Variants in STAU2 observed in about 807,000 individuals in gnomAD.
STAU2 encodes the protein staufen double-stranded RNA binding protein 2.
A neutral mutation model predicts 65.9 loss-of-function variants in STAU2; 20 were observed. The observed-to-expected ratio is 0.30, with a 90% CI of 0.21 to 0.44. The LOEUF (loss-of-function observed/expected upper bound fraction) is 0.44, where lower values mean the gene tolerates loss of function less well. Ranked by LOEUF, STAU2 falls within the 20% of genes least tolerant of loss-of-function variation. STAU2 has a pLI of 1.00. For synonymous variants in STAU2, 232 were observed against 233.9 expected, an observed-to-expected ratio of 0.99 and a Z score of 0.07; for missense variants, 558 against 683.9, an observed-to-expected ratio of 0.82 and a Z score of 2.05.
intron 13 of STAU2, among the ~76,000 whole-genome samples, chr8:73,472,748 C>T (rs1820101928): frequency 1.3e-5 from 2 of 151,340 alleles, no homozygotes. Context: ...AAACAAAAAA[C>T]ATACACTGCT....
chr8:73,691,385 T>C (rs1184893578), intron 4 of STAU2, among the ~76,000 whole-genome samples: 1 of 152,206 alleles, frequency 6.6e-6, no homozygotes, highest in Admixed American at 6.5e-5. Flanking sequence ...CTCCTTGGTC[T>C]AAGGTTTCTA....
At chr8:73,738,715 A>G (rs894216355) in intron 2 of STAU2, among the ~76,000 whole-genome samples, 4 of 152,210 alleles carry the variant, frequency 2.6e-5, no homozygotes, top group Non-Finnish European at 5.9e-5. Flanking sequence ...GAAGCTGTTA[A>G]AAATAAATCT....
chr8:73,582,926 C>A, intron 11 of STAU2, 96 bp from the exon 12 acceptor site: 2 of 1,085,136 alleles, frequency 1.8e-6, no homozygotes, highest in South Asian at 2.8e-5. Flanking sequence ...AAAGTCCTCT[C>A]ACATGGTTAT....
Position 73,637,477 on chromosome 8 carries a change from T to TAAAAAA in STAU2, c.411-20032_411-20027dup, listed in dbSNP as rs60833468. Among the ~76,000 whole-genome samples the TAAAAAA allele has an allele frequency of 8.2e-3, 467 of 57,140 alleles. 5 individuals are homozygous for TAAAAAA. Among genetic ancestry groups the TAAAAAA allele is most frequent in the Non-Finnish European group, 9.4e-3 (318 of 33,750 alleles). The allele number at this position is 57,140 out of a possible 152,430, so 37.5% of individuals were successfully genotyped here. On this transcript the variant is annotated intron_variant, in intron 6 of 14. Coordinates refer to ENST00000524300, the MANE Select transcript of STAU2 (RefSeq NM_001164380.2). ...TAAAGTCTTTATAAAGTGCTGAAAG[T>TAAAAAA]AAAAAAAAAAAAAAAAAAAAAAAAA...
At chr8:73,490,508 A>G (rs1821105506) in intron 13 of STAU2, among the ~76,000 whole-genome samples, 1 of 152,056 alleles carries the variant, frequency 6.6e-6, no homozygotes, top group Non-Finnish European at 1.5e-5. Context: ...AATAAACATT[A>G]AAAGGGACTT....
intron 6 of STAU2, among the ~76,000 whole-genome samples, chr8:73,654,637 C>CAAAAAAAAAAAAAAAAAAAAAA (rs71269928): frequency 7.2e-4 from 19 of 26,306 alleles, no homozygotes; most frequent in South Asian, 3.4e-3. Flanking sequence ...AAGATTGTCT[C>CAAAAAAAAAAAAAAAAAAAAAA]AAAAAAAAAA....
At chr8:73,533,789 T>A (rs566742467) in intron 13 of STAU2, among the ~76,000 whole-genome samples, 2 of 152,278 alleles carry the variant, frequency 1.3e-5, no homozygotes, top group Admixed American at 6.5e-5. Flanking sequence ...GGTGTGTGAA[T>A]TTTTTTCATG....
At chr8:73,695,879 G>T (rs1156846620) in intron 4 of STAU2, among the ~76,000 whole-genome samples, 1 of 152,160 alleles carries the variant, frequency 6.6e-6, no homozygotes, top group Non-Finnish European at 1.5e-5. Context: ...AAATTGCTAA[G>T]GTTTTTGACT....
intron 5 of STAU2, among the ~76,000 whole-genome samples, chr8:73,685,372 T>C (rs1041140616): frequency 6.6e-6 from 1 of 150,454 alleles, no homozygotes; most frequent in Non-Finnish European, 1.5e-5. Context: ...AAAGAAACAC[T>C]TTTTTTTTCT....
intron 6 of STAU2, among the ~76,000 whole-genome samples, chr8:73,657,167 T>C (rs771822217): frequency 1.3e-5 from 2 of 152,058 alleles, no homozygotes; most frequent in Non-Finnish European, 2.9e-5. Flanking sequence ...ACAGATCAAG[T>C]GGACAAAAAA....
At chr8:73,578,063 C>T (rs947369714) in intron 12 of STAU2, among the ~76,000 whole-genome samples, 5 of 151,968 alleles carry the variant, frequency 3.3e-5, no homozygotes, top group Non-Finnish European at 7.4e-5. Flanking sequence ...TCATCCGTTG[C>T]TCTTATGCTT....
intron 13 of STAU2, among the ~76,000 whole-genome samples, chr8:73,442,456 C>T (rs1330988523): frequency 3.3e-5 from 5 of 151,958 alleles, no homozygotes; most frequent in African/African-American, 4.8e-5. Context: ...GCAAAATATC[C>T]TCATTAAGAC....
intron 12 of STAU2, among the ~76,000 whole-genome samples, chr8:73,558,577 A>C (rs1373709372): frequency 1.3e-5 from 2 of 152,196 alleles, no homozygotes; most frequent in Non-Finnish European, 2.9e-5. Context: ...CTTGCCTTTC[A>C]ATGATCACTG....
intron 13 of STAU2, among the ~76,000 whole-genome samples, chr8:73,505,114 A>C (rs1821988940): frequency 6.6e-6 from 1 of 152,130 alleles, no homozygotes; most frequent in Non-Finnish European, 1.5e-5. Flanking sequence ...GAAGACATTT[A>C]ATATGGCAAA....
intron 13 of STAU2, among the ~76,000 whole-genome samples, chr8:73,428,461 C>A (rs990062246): frequency 3.9e-5 from 6 of 152,020 alleles, no homozygotes; most frequent in Admixed American, 2.0e-4. Context: ...ACACAAATTT[C>A]AAACTTTTTA....
chr8:73,615,738 A>C lies in STAU2; in HGVS notation c.615T>G (p.Asn205Lys). Residue 205 changes from asparagine to lysine, a missense_variant, in exon 8 of 15, where the codon AAT becomes AAG. Physicochemically the swap from Asn to Lys is moderately conservative, Grantham distance 94. Coordinates refer to ENST00000524300, the MANE Select transcript of STAU2 (RefSeq NM_001164380.2). ...GKDVDDDKDA[N>K]KSEISLVFEI... ...CAAACACTAAGCTGATCTCAGACTT[A>C]TTTGCATCTTTGTCATCATCCACAT... The C allele has an allele frequency of 2.5e-6, 4 of 1,613,790 alleles. No individual in the cohort carries two copies. The highest frequency in any genetic ancestry group is 3.4e-6 in the Non-Finnish European group (4 of 1,179,936).
chr8:73,467,574 A>G (rs1468559806), intron 13 of STAU2, among the ~76,000 whole-genome samples: 1 of 152,146 alleles, frequency 6.6e-6, no homozygotes, highest in Non-Finnish European at 1.5e-5. Context: ...AGTTCTTCTC[A>G]CACTGTCCCT....
chr8:73,626,184 TAGG>T (rs1813627157), intron 6 of STAU2, among the ~76,000 whole-genome samples: 1 of 152,066 alleles, frequency 6.6e-6, no homozygotes, highest in Admixed American at 6.5e-5. Flanking sequence ...GGGGCTCCTT[TAGG>T]AGGTGACATT....
intron 13 of STAU2, among the ~76,000 whole-genome samples, chr8:73,423,414 A>G (rs1009020027): frequency 2.0e-5 from 3 of 152,046 alleles, no homozygotes. Flanking sequence ...ACTTGTTGAC[A>G]CTCTTGTGCA....
Sources: allele counts gnomAD v4.1 joint callset (sites outside exome capture counted in the v4.1 genomes callset), GRCh38; gene constraint gnomAD v4.1.1; transcripts MANE v1.5; gene names NCBI Gene and HGNC (gene_info 2026-07-23, HGNC 2026-07-21).